The following CORO6 variants were observed in gnomAD, a reference collection of about 807,000 sequenced individuals.
The protein encoded by CORO6 is coronin 6.
A neutral mutation model predicts 49.0 loss-of-function variants in CORO6; 43 were observed. The ratio of observed to expected loss-of-function variants is 0.88; its 90% CI spans 0.69 to 1.13. The LOEUF is 1.13. CORO6 is among the 50% of genes most tolerant of loss of function. CORO6 has a pLI of 0.00. For synonymous variants in CORO6, 233 were observed against 256.5 expected (o/e 0.91, Z 0.88); for missense variants, 650 against 647.0 (o/e 1.00, Z -0.05).
chr17:29,617,626 G>A lies in CORO6; in HGVS notation c.634-7C>T, dbSNP rs2035050289. On this transcript the variant is annotated splice_region_variant and splice_polypyrimidine_tract_variant and intron_variant, in intron 5 of 10. Coordinates refer to ENST00000388767, the MANE Select transcript of CORO6 (RefSeq NM_032854.4). ...CGTGGGCCGCAAACCTCTCCTGGGG[G>A]GAGGGGGAGACAGGGAGGGACATCA... 1 of 1,587,174 alleles carries A rather than the reference G, an allele frequency of 6.3e-7. No individual in the cohort carries two copies. Among genetic ancestry groups the A allele is most frequent in the Non-Finnish European group, 8.6e-7 (1 of 1,168,770 alleles).
Position 29,616,855 on chromosome 17 carries a change from A to G in CORO6, c.859-8T>C. On this transcript the variant is annotated splice_region_variant and splice_polypyrimidine_tract_variant and intron_variant, in intron 7 of 10. Transcript: ENST00000388767. The surrounding 1 kb of genome is among the most constrained non-coding windows in gnomAD (Gnocchi z 5.6). ...CCGAATGCTGCTGTCGCCCTGCAAA[A>G]TCAGTCGGTTCAGGGGCGCGCCCGG... is the stretch of plus-strand genomic sequence containing the variant. 3 of 1,612,820 alleles carry G rather than the reference A, an allele frequency of 1.9e-6. No individual in the cohort carries two copies. The highest frequency in any genetic ancestry group is 1.3e-5 in the African/African-American group (1 of 74,978).
At chr17:29,618,590 C>T (rs2035131563) in intron 5 of CORO6, 200 bp downstream of exon 5, 19 of 1,408,264 alleles carry the variant, frequency 1.3e-5, no homozygotes, top group Admixed American at 3.0e-5. Flanking sequence ...GAACAGGAGC[C>T]GGGCAGAGAA....
At position 29,615,397 on chromosome 17, in the gene CORO6, G is replaced by A; in HGVS notation, c.*335C>T. On this transcript the variant is annotated 3_prime_UTR_variant, in exon 11 of 11. Coordinates refer to ENST00000388767, the MANE Select transcript of CORO6 (RefSeq NM_032854.4). ...AGGCTCCAATAACCCCAAGCATCAC[G>A]CTAATACTAAGCACTTTCCCTGCCC... 3.7e-6 allele frequency: 1 copy of A among 272,770 alleles called. No individual in the cohort carries two copies. The allele number at this position is 272,770 out of a possible 1,614,324, so 16.9% of individuals were successfully genotyped here. A position where few individuals can be genotyped will look rare whatever the true frequency, so the allele number is the denominator to read the frequency against.
intron 1 of CORO6, 129 bp downstream of exon 1, chr17:29,622,559 A>T (rs535619137): frequency 7.6e-6 from 3 of 395,576 alleles, no homozygotes; most frequent in East Asian, 3.0e-4. Flanking sequence ...GGCCAAATAT[A>T]GACACCACGT....
At position 29,621,733 on chromosome 17, in the gene CORO6, A is replaced by T. The variant is rs189396265; in HGVS notation, c.-63-249T>A. 13 of 371,852 alleles carry T rather than the reference A, an allele frequency of 3.5e-5. No homozygotes were observed. The highest frequency in any genetic ancestry group is 7.8e-5 in the Admixed American group (2 of 25,652). The allele number at this position is 371,852 out of a possible 1,614,324, so 23.0% of individuals were successfully genotyped here. On this transcript the variant is annotated intron_variant, in intron 1 of 10. Transcript: ENST00000388767. This position sits in a 1 kb window ranked among gnomAD's most constrained non-coding sequence, Gnocchi z 4.2. Reference sequence around the variant, plus strand: ...GCCTAACAGACTGAAAGCTTTCTGGACGTTGGAATGTTTTTGGGAGGAGCC... The same window carrying T: ...GCCTAACAGACTGAAAGCTTTCTGGTCGTTGGAATGTTTTTGGGAGGAGCC...
In CORO6 at chr17:29,622,778, GAA is replaced by G; in HGVS notation, c.-156_-155del. The G allele has an allele frequency of 7.6e-7, 1 of 1,320,976 alleles. No homozygotes were observed. The highest frequency in any genetic ancestry group is 1.0e-6 in the Non-Finnish European group (1 of 1,000,246). The allele number at this position is 1,320,976 out of a possible 1,614,324, so 81.8% of individuals were successfully genotyped here. A position where few individuals can be genotyped will look rare whatever the true frequency, so the allele number is the denominator to read the frequency against. On this transcript the variant is annotated 5_prime_UTR_variant, in exon 1 of 11. It introduces an in-frame stop codon into an upstream open reading frame of the 5' UTR. Coordinates refer to ENST00000388767, the MANE Select transcript of CORO6 (RefSeq NM_032854.4). The stretch of plus-strand genomic sequence containing the variant: ...AGGGGGCCGAGGAAGGCTTCAGGGC[GAA>G]GGAGCCACCTCTCCGGGTGTCTGTA...
rs1302642544 is a variant in CORO6, at chr17:29,616,686, G to A, written c.1004+16C>T. ...CAGAGGCGGGTAGGTGTTCAGGAGG[G>A]GCCAAGGCTGCTGACCGGGCGATCT... On this transcript the variant is annotated intron_variant, in intron 8 of 10. Transcript: ENST00000388767. This position sits in a 1 kb window ranked among gnomAD's most constrained non-coding sequence, Gnocchi z 5.6. 1 of 1,607,688 alleles carries A rather than the reference G, an allele frequency of 6.2e-7. No individual in the cohort carries two copies. Among genetic ancestry groups the A allele is most frequent in the East Asian group, 2.2e-5 (1 of 44,694 alleles).
chr17:29,619,554 T>C, intron 3 of CORO6, 97 bp downstream of exon 3: 1 of 1,250,464 alleles, frequency 8.0e-7, no homozygotes, highest in Non-Finnish European at 1.2e-6. Context: ...ACCCAGCACC[T>C]CCCTTATTAC....
In CORO6 at chr17:29,616,461, C is replaced by T; in HGVS notation, c.1005-125G>A. The T allele has an allele frequency of 1.0e-6, 1 of 966,294 alleles. No homozygotes were observed. The highest frequency in any genetic ancestry group is 1.5e-6 in the Non-Finnish European group (1 of 651,918). 59.9% of individuals were successfully genotyped at this position (966,294 alleles called of 1,614,324 possible). A position where few individuals can be genotyped will look rare whatever the true frequency, so the allele number is the denominator to read the frequency against. On this transcript the variant is annotated intron_variant, in intron 8 of 10. Transcript: ENST00000388767. This position sits in a 1 kb window ranked among gnomAD's most constrained non-coding sequence, Gnocchi z 5.6. ...TACCATGCATATTGCACATTACACA[C>T]ATTATTGGTTCTGCAATAAAACACC...
chr17:29,615,961 C>G lies in CORO6; in HGVS notation c.1277G>C (p.Ser426Thr), dbSNP rs1184503063. 1.3e-6 allele frequency: 2 copies of G among 1,583,876 alleles called. No homozygotes were observed. Among genetic ancestry groups the G allele is most frequent in the African/African-American group, 2.7e-5 (2 of 74,452 alleles). ...CGATCTTACCGACAAGGGGGCGTCG[C>G]TGGCCGACTGGCTGCGGCGGGGGCC... The part of the protein sequence containing the change: ...PSGPRRSQSA[S>T]DAPLSQQHTL... The change falls in exon 10 of 11, where the codon AGC becomes ACC. Residue 426 changes from serine (S) to threonine (T), a missense_variant. Coordinates refer to ENST00000388767, the MANE Select transcript of CORO6 (RefSeq NM_032854.4).
rs144430370 is a variant in CORO6 at position 29,619,992 on chromosome 17, C to T, written c.199-219G>A. 3.1e-3 allele frequency among the ~76,000 whole-genome samples: 474 copies of T among 152,268 alleles called. 3 individuals are homozygous for T. The highest frequency in any genetic ancestry group is 9.1e-3 in the African/African-American group (377 of 41,540). Reference sequence around the variant, plus strand: ...CTGTGACACAGAGAGGTAAGATGGCCTCATCAAGGACACACAACAAGATAC... The same window carrying T: ...CTGTGACACAGAGAGGTAAGATGGCTTCATCAAGGACACACAACAAGATAC... On this transcript the variant is annotated intron_variant, in intron 2 of 10. Coordinates refer to ENST00000388767, the MANE Select transcript of CORO6 (RefSeq NM_032854.4).
chr17:29,617,216 T>C, intron 6 of CORO6, 174 bp from the exon 7 acceptor site: 1 of 1,533,136 alleles, frequency 6.5e-7, no homozygotes. Flanking sequence ...CCTGCGCACA[T>C]AGCTCCTCCT....
chr17:29,616,861 C>A lies in CORO6; in HGVS notation c.859-14G>T. ...GCTGCTGTCGCCCTGCAAAATCAGT[C>A]GGTTCAGGGGCGCGCCCGGACAAGG... On this transcript the variant is annotated splice_polypyrimidine_tract_variant and intron_variant, in intron 7 of 10. Coordinates refer to ENST00000388767, the MANE Select transcript of CORO6 (RefSeq NM_032854.4). This position sits in a 1 kb window ranked among gnomAD's most constrained non-coding sequence, Gnocchi z 5.6. 1 of 1,612,724 alleles carries A rather than the reference C, an allele frequency of 6.2e-7. No homozygotes were observed. Among genetic ancestry groups the A allele is most frequent in the Non-Finnish European group, 8.5e-7 (1 of 1,179,226 alleles).
At position 29,615,681 on chromosome 17, in the gene CORO6, C is replaced by T. The variant is rs991382060; in HGVS notation, c.*51G>A. 5 of 1,441,830 alleles carry T rather than the reference C, an allele frequency of 3.5e-6. No homozygotes were observed. Among genetic ancestry groups the T allele is most frequent in the African/African-American group, 1.5e-5 (1 of 68,848 alleles). The allele number at this position is 1,441,830 out of a possible 1,614,324, so 89.3% of individuals were successfully genotyped here. A position where few individuals can be genotyped will look rare whatever the true frequency, so the allele number is the denominator to read the frequency against. On this transcript the variant is annotated 3_prime_UTR_variant, in exon 11 of 11. Transcript: ENST00000388767. The stretch of plus-strand genomic sequence containing the variant: ...CGGAGTTCGGGACTAAAAGCCGGGG[C>T]GGGGCCGAGCTTGTGCGCCCCGCCC...
intron 5 of CORO6, chr17:29,618,135 C>T (rs1870827311): frequency 7.8e-6 from 11 of 1,402,226 alleles, no homozygotes; most frequent in African/African-American, 3.0e-5. Flanking sequence ...CAGCCCGCAG[C>T]GGGCGGGCGC....
At position 29,622,684 on chromosome 17, in the gene CORO6, G is replaced by A. The variant is rs977069175; in HGVS notation, c.-64+4C>T. On this transcript the variant is annotated splice_donor_region_variant and intron_variant, in intron 1 of 10. Transcript: ENST00000388767. ...GTGACGGCCGGGTGTGGGGGGCTGG[G>A]TACCTGGTCCTGAGCGGGCTGCGGG... 10 of 1,225,966 alleles carry A rather than the reference G, an allele frequency of 8.2e-6. No homozygotes were observed. Among genetic ancestry groups the A allele is most frequent in the African/African-American group, 3.2e-5 (2 of 62,256 alleles). The allele number at this position is 1,225,966 out of a possible 1,614,324, so 75.9% of individuals were successfully genotyped here.
At chr17:29,618,229 T>A in intron 5 of CORO6, 5 of 1,321,344 alleles carry the variant, frequency 3.8e-6, no homozygotes, top group Non-Finnish European at 3.9e-6. Context: ...CTCGGCGCGC[T>A]TGCTCCACGC....
intron 5 of CORO6, chr17:29,618,147 C>G: frequency 7.2e-7 from 1 of 1,395,284 alleles, no homozygotes; most frequent in Non-Finnish European, 9.3e-7. Context: ...GGCGGGCGCC[C>G]TCGTGAGGCC....
Position 29,617,708 on chromosome 17 carries a change from G to T in CORO6, c.634-89C>A, listed in dbSNP as rs1598638070. 2.2e-6 allele frequency: 3 copies of T among 1,368,248 alleles called. No individual in the cohort carries two copies. In the East Asian group the frequency reaches 7.6e-5, roughly 35 times the overall value. 84.8% of individuals were successfully genotyped at this position (1,368,248 alleles called of 1,614,324 possible). A position where few individuals can be genotyped will look rare whatever the true frequency, so the allele number is the denominator to read the frequency against. On this transcript the variant is annotated intron_variant, in intron 5 of 10. Transcript: ENST00000388767. ...ATGAGCAACCAGCTTGCTGACTTGG[G>T]TGTCCGGGGTGGAGGAGCGGATGCG...
Sources: allele counts gnomAD v4.1 joint callset (sites outside exome capture counted in the v4.1 genomes callset), GRCh38; gene constraint gnomAD v4.1.1; non-coding constraint Gnocchi (gnomAD v3.1); transcripts MANE v1.5; gene names NCBI Gene and HGNC (gene_info 2026-07-23, HGNC 2026-07-21).